Variants in SH2D1A observed in about 807,000 individuals in gnomAD.
SH2D1A encodes the protein SH2 domain containing 1A.
In SH2D1A, 6 loss-of-function variants were observed where a neutral mutation model predicts 10.1. The ratio of observed to expected loss-of-function variants is 0.60; its 90% CI spans 0.33 to 1.18. SH2D1A has a LOEUF of 1.18. SH2D1A is among the 50% of genes most tolerant of loss of function. The pLI is 0.04. For synonymous variants in SH2D1A, 42 were observed against 36.9 expected (o/e 1.14, Z -0.51); for missense variants, 51 against 97.6 (o/e 0.52, Z 2.01).
At chrX:124,349,132 C>G (rs1401954117) in intron 1 of SH2D1A, among the ~76,000 whole-genome samples, 1 of 112,111 alleles carries the variant, frequency 8.9e-6, no homozygotes, top group Non-Finnish European at 1.9e-5. Flanking sequence ...ACTCTTAGTT[C>G]TCCATGAAAA....
chrX:124,370,390 T>C (rs781779784), intron 3 of SH2D1A, 70 bp downstream of exon 3: 13 of 876,907 alleles, frequency 1.5e-5, no homozygotes, highest in Non-Finnish European at 2.2e-5. Flanking sequence ...TTCATAACCA[T>C]ATAATCAATT....
At chrX:124,369,219 T>C (rs922202501) in intron 2 of SH2D1A, among the ~76,000 whole-genome samples, 1 of 110,660 alleles carries the variant, frequency 9.0e-6, no homozygotes, top group African/African-American at 3.3e-5. Context: ...ATCTACCAGA[T>C]GGAATAGCTG....
rs757762195 is a variant in SH2D1A, at chrX:124,370,322, T to C, written c.346+2T>C. ...CTAGAAGTACACAAGGTACTACAGG[T>C]ATGATTTCCTCTTAATTTTTGACAG... On this transcript the variant is annotated splice_donor_variant, in intron 3 of 3. Transcript: ENST00000371139. LOFTEE classifies it high-confidence loss of function. The C allele has an allele frequency of 8.3e-7, 1 of 1,197,928 alleles. No individual in the cohort carries two copies. The highest frequency in any genetic ancestry group is 2.2e-5 in the Admixed American group (1 of 45,977).
At chrX:124,362,680 T>C (rs2060042646) in intron 1 of SH2D1A, among the ~76,000 whole-genome samples, 1 of 111,593 alleles carries the variant, frequency 9.0e-6, no homozygotes, top group African/African-American at 3.3e-5. Context: ...TTAATTTCTT[T>C]TGAGGCCGTT....
At chrX:124,363,887 T>A (rs1184824474) in intron 1 of SH2D1A, among the ~76,000 whole-genome samples, 1 of 24,150 alleles carries the variant, frequency 4.1e-5, no homozygotes, top group Non-Finnish European at 6.4e-5. Context: ...CGAGACTCTA[T>A]CTCAAAAAAA....
chrX:124,356,681 G>A (rs2060027341), intron 1 of SH2D1A, among the ~76,000 whole-genome samples: 1 of 111,554 alleles, frequency 9.0e-6, no homozygotes, highest in South Asian at 3.8e-4. Flanking sequence ...GGCTGGTCTC[G>A]AACTCCTGAC....
Position 124,371,725 on chromosome X carries a change from G to C in SH2D1A, c.*334G>C, listed in dbSNP as rs1244932741. On this transcript the variant is annotated 3_prime_UTR_variant, in exon 4 of 4. Coordinates refer to ENST00000371139, the MANE Select transcript of SH2D1A (RefSeq NM_002351.5). The stretch of plus-strand genomic sequence containing the variant: ...AAATAATCCTCAGTTTTTGTGAAAA[G>C]CTCCATTTTTAGTGAAATATTATTT... 2 of 178,762 alleles carry C rather than the reference G, an allele frequency of 1.1e-5. No individual in the cohort carries two copies. The highest frequency in any genetic ancestry group is 1.6e-4 in the Admixed American group (2 of 12,587). The allele number at this position is 178,762 out of a possible 1,213,427, so 14.7% of individuals were successfully genotyped here. A position where few individuals can be genotyped will look rare whatever the true frequency, so the allele number is the denominator to read the frequency against.
At chrX:124,353,201 G>C in intron 1 of SH2D1A, 1 of 156,086 alleles carries the variant, frequency 6.4e-6, no homozygotes, top group Non-Finnish European at 1.3e-5. Context: ...AGAATGAATT[G>C]TCATCTTTAA....
intron 1 of SH2D1A, among the ~76,000 whole-genome samples, chrX:124,361,701 G>A (rs1245226735): frequency 1.8e-5 from 2 of 112,046 alleles, no homozygotes; most frequent in Non-Finnish European, 3.8e-5. Context: ...TGACTGAACT[G>A]TGTTCTAGTA....
At chrX:124,357,571 G>A (rs892797778) in intron 1 of SH2D1A, among the ~76,000 whole-genome samples, 1 of 111,654 alleles carries the variant, frequency 9.0e-6, no homozygotes, top group Non-Finnish European at 1.9e-5. Context: ...CTTTCATACC[G>A]TTTTTTATAA....
chrX:124,365,413 C>G (rs1666117073), intron 1 of SH2D1A, among the ~76,000 whole-genome samples: 1 of 110,292 alleles, frequency 9.1e-6, no homozygotes. Context: ...AAAAATAAGT[C>G]TATTGTTTGT....
In SH2D1A at chrX:124,346,621, C is replaced by T; in HGVS notation, c.-22C>T. 2 of 1,211,465 alleles carry T rather than the reference C, an allele frequency of 1.7e-6. No individual in the cohort carries two copies. Among genetic ancestry groups the T allele is most frequent in the Non-Finnish European group, 2.2e-6 (2 of 895,014 alleles). On this transcript the variant is annotated 5_prime_UTR_variant, in exon 1 of 4. Coordinates refer to ENST00000371139, the MANE Select transcript of SH2D1A (RefSeq NM_002351.5). Reference sequence around the variant, plus strand: ...CCCTTGCACAGTTCTCCTCCTCGGCCTGCCCAAGAGTCCACCAGGCCATGG... The same window carrying T: ...CCCTTGCACAGTTCTCCTCCTCGGCTTGCCCAAGAGTCCACCAGGCCATGG...
At chrX:124,350,221 TA>T (rs1444972638) in intron 1 of SH2D1A, among the ~76,000 whole-genome samples, 3 of 40,127 alleles carry the variant, frequency 7.5e-5, no homozygotes, top group Non-Finnish European at 1.2e-4. Flanking sequence ...ATATAATATA[TA>T]AATATATATT....
chrX:124,356,403 ACT>A (rs961428379), intron 1 of SH2D1A, among the ~76,000 whole-genome samples: 6 of 111,365 alleles, frequency 5.4e-5, no homozygotes, highest in Admixed American at 3.8e-4. Flanking sequence ...AAAACCTAAG[ACT>A]CTAACATTTT....
intron 1 of SH2D1A, among the ~76,000 whole-genome samples, chrX:124,354,495 C>T (rs144200647): frequency 0.032 from 3,511 of 111,089 alleles, 155 homozygotes; most frequent in African/African-American, 0.11. Flanking sequence ...AGGGGCAGCA[C>T]AGAATGGTGG....
chrX:124,364,315 A>G (rs2060048359), intron 1 of SH2D1A: 1 of 207,855 alleles, frequency 4.8e-6, no homozygotes, highest in Non-Finnish European at 9.0e-6. Flanking sequence ...AATAGCAAAG[A>G]ATACATAAAA....
chrX:124,355,359 A>T (rs958139543), intron 1 of SH2D1A, among the ~76,000 whole-genome samples: 62 of 112,188 alleles, frequency 5.5e-4, no homozygotes, highest in Non-Finnish European at 2.8e-4. Flanking sequence ...TTTTGATGAA[A>T]TAAAGACAAA....
At chrX:124,367,991 T>A (rs1363578555) in intron 2 of SH2D1A, among the ~76,000 whole-genome samples, 1 of 111,930 alleles carries the variant, frequency 8.9e-6, no homozygotes, top group African/African-American at 3.2e-5. Context: ...TCCTTATTAA[T>A]CTAAGTAAAA....
chrX:124,370,145 T>C, intron 2 of SH2D1A, 31 bp from the exon 3 acceptor site: 1 of 1,117,612 alleles, frequency 8.9e-7, no homozygotes, highest in East Asian at 3.0e-5. Context: ...ATGAGATAGG[T>C]AAATAATTTG....
Sources: gnomAD v4.1 joint callset for allele counts (sites outside exome capture counted in the v4.1 genomes callset) on GRCh38, gnomAD v4.1.1 for gene constraint, MANE v1.5 for transcripts, NCBI Gene and HGNC (gene_info 2026-07-23, HGNC 2026-07-21) for gene names.